MAP3K12: variants seen among roughly 807,000 people sequenced by gnomAD.
MAP3K12 encodes MAPK-upstream kinase.
MAP3K12 carries 14 observed loss-of-function variants against 87.5 expected under a neutral mutation model. That is an observed-to-expected ratio of 0.16 (90% CI 0.11 to 0.25). MAP3K12 has a LOEUF of 0.25. Among genes scored for constraint, MAP3K12 ranks in the 10% least tolerant of loss-of-function variants. The pLI is 1.00. For missense variants in MAP3K12, 802 were observed against 1,140.4 expected (o/e 0.70, Z 4.27); for synonymous variants, 469 against 452.5 (o/e 1.04, Z -0.46).
chr12:53,481,312 C>T, intron 13 of MAP3K12, 32 bp from the exon 14 acceptor site: 2 of 1,305,832 alleles, frequency 1.5e-6, no homozygotes, highest in East Asian at 2.8e-5. Flanking sequence ...GAGTGAGATT[C>T]CTTGGGGTTC....
intron 1 of MAP3K12, among the ~76,000 whole-genome samples, chr12:53,497,676 G>A (rs754230239): frequency 2.9e-4 from 44 of 152,172 alleles, no homozygotes; most frequent in Non-Finnish European, 5.4e-4. Flanking sequence ...CTGGCGTGAG[G>A]GGCAGACATT....
At position 53,483,038 on chromosome 12, in the gene MAP3K12, A is replaced by G. The variant is rs770320620; in HGVS notation, c.1765T>C (p.Cys589Arg). 1.4e-5 allele frequency: 22 copies of G among 1,554,722 alleles called. No individual in the cohort carries two copies. The highest frequency in any genetic ancestry group is 2.3e-5 in the East Asian group (1 of 44,362). ...GTACGAAGCCCAGGCAGGTCCCCAC[A>G]GCTCCCCTTGGCGCTGGCCTTGCGG... Reference protein sequence around the residue: ...RHRKASAKGSCGDLPGLRTAV... With the variant: ...RHRKASAKGSRGDLPGLRTAV... Residue 589 changes from cysteine to arginine, a missense_variant, in exon 11 of 14, where the codon TGT (cysteine) becomes CGT (arginine). Around this residue, in one of 5 missense-constraint regions of MAP3K12, gnomAD observed 490 missense variants for 496.6 expected, o/e 0.99. Transcript: ENST00000547488.
chr12:53,495,269 G>A (rs1800743077), intron 1 of MAP3K12, among the ~76,000 whole-genome samples: 1 of 147,894 alleles, frequency 6.8e-6, no homozygotes, highest in South Asian at 2.1e-4. Context: ...AACCCAGGGG[G>A]CGGAGCCTGC....
Position 53,483,358 on chromosome 12 carries a change from T to G in MAP3K12, c.1604A>C (p.His535Pro), listed in dbSNP as rs181549200. The G allele has an allele frequency of 6.2e-7, 1 of 1,614,118 alleles. No homozygotes were observed. Among genetic ancestry groups the G allele is most frequent in the African/African-American group, 1.3e-5 (1 of 75,036 alleles). ...AGTACTCATGTCCCACCTTTTGCTA[T>G]GGGGTGACAGCTTCTGTGGCACATT... ...KRNVPQKLSP[H>P]SKRPDILKTE... is the part of the protein sequence containing the mutation. Residue 535 changes from histidine (H) to proline (P), a missense_variant, in exon 10 of 14, where the codon CAT (histidine) becomes CCT (proline). His to Pro is a moderately conservative substitution (Grantham distance 77). Around this residue, in one of 5 missense-constraint regions of MAP3K12, gnomAD observed 490 missense variants for 496.6 expected, o/e 0.99. Coordinates refer to ENST00000547488, the MANE Select transcript of MAP3K12 (RefSeq NM_001193511.2).
intron 1 of MAP3K12, among the ~76,000 whole-genome samples, chr12:53,497,720 G>A (rs567245541): frequency 2.2e-3 from 341 of 152,360 alleles, no homozygotes; most frequent in Admixed American, 6.7e-3. Context: ...GCAGCTGGGG[G>A]TCCCAGGGCT....
intron 1 of MAP3K12, among the ~76,000 whole-genome samples, chr12:53,489,143 A>C (rs944912101): frequency 1.3e-5 from 2 of 151,520 alleles, no homozygotes; most frequent in Non-Finnish European, 2.9e-5. Context: ...CCCTGTCTCT[A>C]CCAAAAATAG....
At chr12:53,482,517 G>A (rs1167301026) in intron 11 of MAP3K12, 48 bp downstream of exon 11, 6 of 1,595,540 alleles carry the variant, frequency 3.8e-6, no homozygotes, top group Admixed American at 3.5e-5. Flanking sequence ...GGACCCCAGG[G>A]AGGATAAGGA....
Position 53,486,734 on chromosome 12 carries a change from CA to C in MAP3K12, c.446-113del. 6.9e-7 allele frequency: 1 copy of C among 1,452,286 alleles called. No homozygotes were observed. The highest frequency in any genetic ancestry group is 9.0e-7 in the Non-Finnish European group (1 of 1,107,624). The allele number at this position is 1,452,286 out of a possible 1,614,324, so 90.0% of individuals were successfully genotyped here. On this transcript the variant is annotated intron_variant, in intron 2 of 13. Transcript: ENST00000547488. This position sits in a 1 kb window ranked among gnomAD's most constrained non-coding sequence, Gnocchi z 4.9. ...ACTTAAGGAGGGTGAGGCAGAAAGC[CA>C]AAAATAGGCCAAGAAGAAGGTTCGA... is the stretch of plus-strand genomic sequence containing the variant.
rs773400555 is a variant in MAP3K12 at position 53,486,870 on chromosome 12, G to A, written c.445+77C>T. 5 of 1,577,678 alleles carry A rather than the reference G, an allele frequency of 3.2e-6. No individual in the cohort carries two copies. The highest frequency in any genetic ancestry group is 2.2e-5 in the East Asian group (1 of 44,510). ...CCATGGGGAGGGAAGGGACCATTGC[G>A]TGACTTTAGCGGAGCTGACCAACAG... On this transcript the variant is annotated intron_variant, in intron 2 of 13. Coordinates refer to ENST00000547488, the MANE Select transcript of MAP3K12 (RefSeq NM_001193511.2). The surrounding 1 kb of genome is among the most constrained non-coding windows in gnomAD (Gnocchi z 4.9).
intron 1 of MAP3K12, chr12:53,487,894 G>A (rs535279424): frequency 3.6e-4 from 58 of 161,536 alleles, no homozygotes; most frequent in Non-Finnish European, 5.6e-4. Flanking sequence ...GCACACAATA[G>A]TAACACCTAG....
At chr12:53,500,792 C>CG (rs3215295), upstream of MAP3K12, 13,044 of 152,024 alleles carry the variant, frequency 0.086, 572 homozygotes, top group Non-Finnish European at 0.099. Flanking sequence ...GAGGCGGGGT[C>CG]GGGGGGGGCT....
chr12:53,485,551 C>T, intron 4 of MAP3K12, 76 bp from the exon 5 acceptor site: 1 of 1,516,434 alleles, frequency 6.6e-7, no homozygotes, highest in South Asian at 1.2e-5. Context: ...CTCTGCCTTT[C>T]AGGTTTTTTT....
rs1013895970 is a variant in MAP3K12, at chr12:53,479,942, T to C, written c.*1240A>G. On this transcript the variant is annotated 3_prime_UTR_variant, in exon 14 of 14. Transcript: ENST00000547488. ...AAGCCTTTATTCCGGTTAAGATGTTTTCTTCTATTTTACCACTTCCATCTT... is the reference window on the plus strand; with the variant it reads ...AAGCCTTTATTCCGGTTAAGATGTTCTCTTCTATTTTACCACTTCCATCTT... The C allele has an allele frequency of 1.3e-5, 2 of 152,244 alleles. No homozygotes were observed. The highest frequency in any genetic ancestry group is 1.3e-4 in the Admixed American group (2 of 15,264). 9.4% of individuals were successfully genotyped at this position (152,244 alleles called of 1,614,324 possible).
At chr12:53,484,146 AAG>A (rs1943159801) in intron 7 of MAP3K12, 109 bp downstream of exon 7, 8 of 1,357,944 alleles carry the variant, frequency 5.9e-6, no homozygotes, top group Middle Eastern at 1.9e-4. Flanking sequence ...TCAGCCCTCT[AAG>A]AGCCAATCTC....
chr12:53,490,363 T>C (rs1323527350), intron 1 of MAP3K12, among the ~76,000 whole-genome samples: 2 of 151,906 alleles, frequency 1.3e-5, no homozygotes, highest in African/African-American at 4.8e-5. Context: ...ATCCCAGAAA[T>C]TTGAGGGGCC....
rs1170436578 is a variant in MAP3K12, at chr12:53,480,387, G to GGGC, written c.*792_*794dup. 1 of 152,342 alleles carries GGGC rather than the reference G, an allele frequency of 6.6e-6. No homozygotes were observed. The highest frequency in any genetic ancestry group is 1.5e-5 in the Non-Finnish European group (1 of 68,030). 9.4% of individuals were successfully genotyped at this position (152,342 alleles called of 1,614,324 possible). On this transcript the variant is annotated 3_prime_UTR_variant, in exon 14 of 14. Transcript: ENST00000547488. ...TGAGAGTAGATGCAAAAAAGTGGAG[G>GGGC]GGCAGGAGAACTTCTCCAGACACCT...
At chr12:53,496,409 C>CT (rs1943549188) in intron 1 of MAP3K12, among the ~76,000 whole-genome samples, 1 of 152,148 alleles carries the variant, frequency 6.6e-6, no homozygotes, top group Non-Finnish European at 1.5e-5. Context: ...TCTTAAGCAG[C>CT]TGTACTGCTA....
At chr12:53,493,250 T>G (rs1943465437) in intron 1 of MAP3K12, among the ~76,000 whole-genome samples, 1 of 151,968 alleles carries the variant, frequency 6.6e-6, no homozygotes, top group Admixed American at 6.5e-5. Context: ...GCCCCTGACC[T>G]GGGCCGGCCC....
At chr12:53,485,006 G>T (rs116242554) in intron 6 of MAP3K12, 50 bp downstream of exon 6, 2 of 1,610,010 alleles carry the variant, frequency 1.2e-6, no homozygotes, top group South Asian at 2.2e-5. Flanking sequence ...CAGTACTACC[G>T]TGCTTCTCAA....
Sources: allele counts gnomAD v4.1 joint callset (sites outside exome capture counted in the v4.1 genomes callset), GRCh38; gene constraint gnomAD v4.1.1; regional missense constraint gnomAD v4.1.1; non-coding constraint Gnocchi (gnomAD v3.1); transcripts MANE v1.5; gene names NCBI Gene and HGNC (gene_info 2026-07-23, HGNC 2026-07-21).